The following AGBL1 variants were observed in gnomAD, a reference collection of about 807,000 sequenced individuals.
The protein encoded by AGBL1 is AGBL carboxypeptidase 1.
In AGBL1, 130 loss-of-function variants were observed where a neutral mutation model predicts 118.9. The observed-to-expected ratio is 1.09, with a 90% CI of 0.95 to 1.26. AGBL1 has a LOEUF of 1.26. Among genes scored for constraint, AGBL1 ranks in the 50% most tolerant of loss-of-function variants. AGBL1 has a pLI of 0.00. For synonymous variants in AGBL1, 555 were observed against 478.9 expected (o/e 1.16, Z -2.08); for missense variants, 1,584 against 1,298.1 (o/e 1.22, Z -3.38).
At chr15:86,626,080 A>G (rs1450278692) in intron 21 of AGBL1, among the ~76,000 whole-genome samples, 1 of 152,200 alleles carries the variant, frequency 6.6e-6, no homozygotes, top group Non-Finnish European at 1.5e-5. Flanking sequence ...GTTGCATTTG[A>G]TTGTGGAAGA....
chr15:86,247,678 C>T lies in AGBL1; in HGVS notation c.534C>T (p.Asn178=), dbSNP rs370819428. Residue 178 remains asparagine (N), a synonymous_variant, in exon 7 of 23, where the codon AAC becomes AAT. Transcript: ENST00000614907. The stretch of plus-strand genomic sequence containing the variant: ...CTTTCCCTTTGTTTTCAGAGTCGAA[C>T]GGCCGCAGAGCAGTGAACCGAGGCT... ...VLAALLKSKS[N]GRRAVNRGYV... The T allele has an allele frequency of 1.9e-4, 301 of 1,603,146 alleles. No individual in the cohort carries two copies. The Middle Eastern group carries it at 4.7e-3, about 25-fold the overall frequency.
intron 17 of AGBL1, among the ~76,000 whole-genome samples, chr15:86,365,016 C>CACAT (rs1183004112): frequency 0.086 from 10,452 of 121,170 alleles, 1,111 homozygotes; most frequent in Non-Finnish European, 0.1. Context: ...TATACACACA[C>CACAT]ATATATATAT....
intron 17 of AGBL1, among the ~76,000 whole-genome samples, chr15:86,390,660 A>ATTTGTTTTTTTTTT (rs2081263682): frequency 1.3e-5 from 1 of 75,474 alleles, no homozygotes; most frequent in Non-Finnish European, 2.4e-5. Flanking sequence ...ATACTGTATG[A>ATTTGTTTTTTTTTT]TTTTTTTTTT....
intron 22 of AGBL1, among the ~76,000 whole-genome samples, chr15:86,745,739 G>A (rs919486471): frequency 3.9e-5 from 6 of 152,194 alleles, no homozygotes; most frequent in South Asian, 4.1e-4. Flanking sequence ...TGGTGTATAA[G>A]CCTCTCCTAC....
chr15:86,205,246 C>T (rs1242613766), intron 5 of AGBL1, among the ~76,000 whole-genome samples: 1 of 152,170 alleles, frequency 6.6e-6, no homozygotes, highest in African/African-American at 2.4e-5. Flanking sequence ...TAGCAATATG[C>T]ACTTAAGGGT....
intron 18 of AGBL1, among the ~76,000 whole-genome samples, chr15:86,437,266 C>A (rs368760257): frequency 6.6e-6 from 1 of 152,116 alleles, no homozygotes; most frequent in South Asian, 2.1e-4. Context: ...CTCCCCTCTC[C>A]GAGTCCTGGT....
chr15:86,752,629 G>A (rs1165695730), intron 22 of AGBL1, among the ~76,000 whole-genome samples: 1 of 152,032 alleles, frequency 6.6e-6, no homozygotes, highest in Non-Finnish European at 1.5e-5. Context: ...CAGAGGCTGG[G>A]CAGGAAGGCT....
chr15:86,896,411 T>A (rs2080127535), intron 22 of AGBL1, among the ~76,000 whole-genome samples: 1 of 150,416 alleles, frequency 6.6e-6, no homozygotes, highest in Non-Finnish European at 1.5e-5. Context: ...AAAAAAAAAA[T>A]ACCTGCATGG....
chr15:86,625,506 T>C (rs979894967), intron 21 of AGBL1, among the ~76,000 whole-genome samples: 5 of 151,628 alleles, frequency 3.3e-5, no homozygotes, highest in Non-Finnish European at 7.4e-5. Flanking sequence ...CCACTGTAAT[T>C]GGGGTGTTCA....
chr15:86,712,116 A>G (rs200220317), intron 22 of AGBL1, among the ~76,000 whole-genome samples: 3 of 152,168 alleles, frequency 2.0e-5, no homozygotes, highest in East Asian at 1.9e-4. Context: ...TTTGATTTTT[A>G]TACTAACCTA....
chr15:86,549,566 A>G (rs2083635128), intron 20 of AGBL1, among the ~76,000 whole-genome samples: 1 of 152,070 alleles, frequency 6.6e-6, no homozygotes, highest in South Asian at 2.1e-4. Context: ...AAAAAAAAGT[A>G]TAATCTATGA....
At chr15:86,876,972 G>A (rs556277118) in intron 22 of AGBL1, among the ~76,000 whole-genome samples, 14 of 152,126 alleles carry the variant, frequency 9.2e-5, no homozygotes, top group African/African-American at 2.7e-4. Flanking sequence ...AATACAATCC[G>A]TATTGTCATT....
chr15:86,726,535 G>A (rs4887502), intron 22 of AGBL1, among the ~76,000 whole-genome samples: 5 of 151,924 alleles, frequency 3.3e-5, no homozygotes, highest in Non-Finnish European at 7.4e-5. Flanking sequence ...GGCACAATAC[G>A]CGGCTCTTAA....
At chr15:86,692,468 A>T (rs1232120852) in intron 22 of AGBL1, among the ~76,000 whole-genome samples, 1 of 152,128 alleles carries the variant, frequency 6.6e-6, no homozygotes, top group Non-Finnish European at 1.5e-5. Flanking sequence ...GGGCTGTAGA[A>T]GGACTACCCA....
intron 21 of AGBL1, among the ~76,000 whole-genome samples, chr15:86,620,689 G>A (rs1218361032): frequency 6.6e-6 from 1 of 151,996 alleles, no homozygotes; most frequent in Non-Finnish European, 1.5e-5. Context: ...CTACTTTCTG[G>A]TTTGAAGTGA....
intron 22 of AGBL1, among the ~76,000 whole-genome samples, chr15:86,785,042 C>T (rs975967066): frequency 3.9e-5 from 6 of 152,074 alleles, no homozygotes; most frequent in African/African-American, 1.2e-4. Flanking sequence ...TGTACTTTCT[C>T]GGGCAAATTC....
chr15:86,798,864 A>G (rs2078610009), intron 22 of AGBL1, among the ~76,000 whole-genome samples: 1 of 151,594 alleles, frequency 6.6e-6, no homozygotes, highest in Non-Finnish European at 1.5e-5. Flanking sequence ...TCCGTTTTTG[A>G]TTATTATTGT....
chr15:86,572,347 A>T (rs1477453314), intron 21 of AGBL1, among the ~76,000 whole-genome samples: 1 of 152,142 alleles, frequency 6.6e-6, no homozygotes, highest in Non-Finnish European at 1.5e-5. Context: ...TGGAGTGTGC[A>T]GCCCAGACCA....
intron 17 of AGBL1, among the ~76,000 whole-genome samples, chr15:86,357,151 T>G (rs2080734200): frequency 6.6e-6 from 1 of 152,186 alleles, no homozygotes; most frequent in Non-Finnish European, 1.5e-5. Flanking sequence ...GAGTCATGTA[T>G]GTAAAAGAGG....
Sources: allele counts gnomAD v4.1 joint callset (sites outside exome capture counted in the v4.1 genomes callset), GRCh38; gene constraint gnomAD v4.1.1; transcripts MANE v1.5; gene names NCBI Gene and HGNC (gene_info 2026-07-23, HGNC 2026-07-21).